Variants in NET1 observed in about 807,000 individuals in gnomAD.
NET1 encodes the protein neuroepithelial cell transforming 1.
In NET1, 42 loss-of-function variants were observed where a neutral mutation model predicts 61.1. The observed-to-expected ratio is 0.69, with a 90% CI of 0.54 to 0.89. The LOEUF is 0.89. Ranked by LOEUF, NET1 falls within the 40% of genes least tolerant of loss-of-function variation. The probability of loss-of-function intolerance (pLI) is 0.00; values close to 1 mark genes in which losing one functional copy is unlikely to be tolerated. For synonymous variants in NET1, 254 were observed against 281.8 expected, an observed-to-expected ratio of 0.90 and a Z score of 0.99; for missense variants, 654 against 747.3, an observed-to-expected ratio of 0.88 and a Z score of 1.46.
In NET1 at chr10:5,453,920, T is replaced by G. The variant is rs981320332; in HGVS notation, c.769-345T>G. Among the ~76,000 whole-genome samples, 1 of 152,070 alleles carries G rather than the reference T, an allele frequency of 6.6e-6. No homozygotes were observed. Among genetic ancestry groups the G allele is most frequent in the African/African-American group, 2.4e-5 (1 of 41,404 alleles). On this transcript the variant is annotated intron_variant, in intron 8 of 11. Coordinates refer to ENST00000355029, the MANE Select transcript of NET1 (RefSeq NM_001047160.3). The surrounding 1 kb of genome is among the most constrained non-coding windows in gnomAD (Gnocchi z 4.9). ...CAGTGATGAAAGGCAGTCTCTGCCT[T>G]TATAGCCTAGTGAAGGAATAGCCAA...
At chr10:5,433,879 T>C (rs1304521998) in intron 3 of NET1, among the ~76,000 whole-genome samples, 3 of 151,800 alleles carry the variant, frequency 2.0e-5, no homozygotes, top group Admixed American at 1.3e-4. Flanking sequence ...TCCTCCTTTT[T>C]TCCCTAATGC....
chr10:5,417,148 A>ATGGCCTGCCAGC lies in NET1; in HGVS notation c.128+4341_128+4352dup, dbSNP rs148517367. Among the ~76,000 whole-genome samples, 6,026 of 151,782 alleles carry ATGGCCTGCCAGC rather than the reference A, an allele frequency of 0.04. 163 individuals are homozygous for ATGGCCTGCCAGC. The highest frequency in any genetic ancestry group is 0.1 in the South Asian group (498 of 4,784). ...AAGCTCTGCGTCATTCTGCGAATCG[A>ATGGCCTGCCAGC]TGGCCTGCCAGCTGGCCTGCCAGCG... On this transcript the variant is annotated intron_variant, in intron 1 of 11. Transcript: ENST00000355029. This position sits in a 1 kb window ranked among gnomAD's most constrained non-coding sequence, Gnocchi z 5.5.
chr10:5,452,014 T>A lies in NET1; in HGVS notation c.363+77T>A. The A allele has an allele frequency of 9.3e-7, 1 of 1,071,820 alleles. No homozygotes were observed. 66.4% of individuals were successfully genotyped at this position (1,071,820 alleles called of 1,614,324 possible). ...GGAATTTGTAGTTGTCTTTGAGCTG[T>A]ACAAACAAGTTTGCATTATTATATT... On this transcript the variant is annotated intron_variant, in intron 4 of 11. Coordinates refer to ENST00000355029, the MANE Select transcript of NET1 (RefSeq NM_001047160.3). The surrounding 1 kb of genome is among the most constrained non-coding windows in gnomAD (Gnocchi z 4.0).
Position 5,416,732 on chromosome 10 carries a change from C to T in NET1, c.128+3912C>T, listed in dbSNP as rs1005862924. Among the ~76,000 whole-genome samples the T allele has an allele frequency of 6.6e-6, 1 of 152,042 alleles. No homozygotes were observed. The highest frequency in any genetic ancestry group is 1.5e-5 in the Non-Finnish European group (1 of 68,032). ...GCAGGGCGTGCACTGGAGGTGTGCT[C>T]GCTTCTTCGGTGCCCTGCTGTTCAA... On this transcript the variant is annotated intron_variant, in intron 1 of 11. Coordinates refer to ENST00000355029, the MANE Select transcript of NET1 (RefSeq NM_001047160.3). The surrounding 1 kb of genome is among the most constrained non-coding windows in gnomAD (Gnocchi z 6.1).
Position 5,454,994 on chromosome 10 carries a change from G to T in NET1, c.1073G>T (p.Gly358Val). ...GVLSDINLKK[G>V]ESECQYYIDK... The stretch of plus-strand genomic sequence containing the variant: ...CTCTCTGATATCAACTTGAAGAAAG[G>T]TGAATCCGAGTGCCAGTATTACATC... The change falls in exon 10 of 12, where the codon GGT becomes GTT. Residue 358 changes from glycine (G) to valine (V), a missense_variant. By Grantham distance (109) the Gly-to-Val change is moderately radical (BLOSUM62 -3). Transcript: ENST00000355029. This position sits in a 1 kb window ranked among gnomAD's most constrained non-coding sequence, Gnocchi z 8.1. 1 of 1,614,124 alleles carries T rather than the reference G, an allele frequency of 6.2e-7. No homozygotes were observed. Among genetic ancestry groups the T allele is most frequent in the Non-Finnish European group, 8.5e-7 (1 of 1,179,986 alleles).
In NET1 at chr10:5,426,623, CT is replaced by C; in HGVS notation, c.129-29del. On this transcript the variant is annotated intron_variant, in intron 1 of 11. Transcript: ENST00000355029. This position sits in a 1 kb window ranked among gnomAD's most constrained non-coding sequence, Gnocchi z 4.6. ...TGCTCTATTATGCTAAAGTCAATCT[CT>C]TTATTTATTGTTTGAATTTTCCATT... is the stretch of plus-strand genomic sequence containing the variant. 2 of 1,537,974 alleles carry C rather than the reference CT, an allele frequency of 1.3e-6. No homozygotes were observed. Among genetic ancestry groups the C allele is most frequent in the Non-Finnish European group, 1.8e-6 (2 of 1,118,520 alleles).
chr10:5,436,226 A>ATG (rs1832433609), intron 3 of NET1, among the ~76,000 whole-genome samples: 2 of 6,208 alleles, frequency 3.2e-4, no homozygotes, highest in East Asian at 6.0e-3. Flanking sequence ...GTGTGTGTGC[A>ATG]TATATATATA....
At position 5,452,434 on chromosome 10, in the gene NET1, C is replaced by T. The variant is rs776932264; in HGVS notation, c.440C>T (p.Pro147Leu). Reference protein sequence around the residue: ...KFSSRSTVPTPAKRRSSALWS... With the variant: ...KFSSRSTVPTLAKRRSSALWS... ...TCTAGCAGGTCAACAGTCCCAACAC[C>T]CGCCAAGAGAAGGAGCAGTGCACTG... The change falls in exon 5 of 12, where the codon CCC becomes CTC. Residue 147 changes from proline to leucine, a missense_variant. Physicochemically the swap from Pro to Leu is moderately conservative, Grantham distance 98. Transcript: ENST00000355029. This position sits in a 1 kb window ranked among gnomAD's most constrained non-coding sequence, Gnocchi z 4.0. The T allele has an allele frequency of 1.2e-6, 2 of 1,614,126 alleles. No homozygotes were observed. Among genetic ancestry groups the T allele is most frequent in the Non-Finnish European group, 8.5e-7 (1 of 1,179,996 alleles).
intron 2 of NET1, among the ~76,000 whole-genome samples, 198 bp from the exon 3 acceptor site, chr10:5,428,972 G>A (rs1030370738): frequency 2.0e-5 from 3 of 150,636 alleles, no homozygotes; most frequent in African/African-American, 7.3e-5. Flanking sequence ...GACCTCAGAC[G>A]ATCCGCCCTC....
rs74113035 is a variant in NET1, at chr10:5,436,649, G to T, written c.255+7420G>T. On this transcript the variant is annotated intron_variant, in intron 3 of 11. Transcript: ENST00000355029. ...AATGATAAATAATTTTAAAAGCATT[G>T]TGATTGTTTATAATTATAATAATGT... Among the ~76,000 whole-genome samples the T allele has an allele frequency of 4.2e-3, 635 of 152,152 alleles. 7 individuals carry two copies. Among genetic ancestry groups the T allele is most frequent in the African/African-American group, 0.014 (581 of 41,500 alleles).
At chr10:5,448,548 G>C (rs915236553) in intron 3 of NET1, among the ~76,000 whole-genome samples, 1 of 152,148 alleles carries the variant, frequency 6.6e-6, no homozygotes, top group African/African-American at 2.4e-5. Flanking sequence ...TTATGTTAGA[G>C]AGTGTTGGAC....
chr10:5,425,015 G>C (rs184724988), intron 1 of NET1, among the ~76,000 whole-genome samples: 2 of 152,316 alleles, frequency 1.3e-5, no homozygotes, highest in East Asian at 3.9e-4. Context: ...CATTCTCTCT[G>C]AGTGCAGTAA....
rs1222427139 is a variant in NET1, at chr10:5,427,901, A to G, written c.195+1180A>G. Among the ~76,000 whole-genome samples the G allele has an allele frequency of 6.6e-6, 1 of 152,086 alleles. No individual in the cohort carries two copies. Among genetic ancestry groups the G allele is most frequent in the Non-Finnish European group, 1.5e-5 (1 of 68,012 alleles). The stretch of plus-strand genomic sequence containing the variant: ...TCATTTTAGTGTGAATTTAGTTTTC[A>G]ACTTGTACACAAAATCTTGGTTCAG... On this transcript the variant is annotated intron_variant, in intron 2 of 11. Transcript: ENST00000355029. The surrounding 1 kb of genome is among the most constrained non-coding windows in gnomAD (Gnocchi z 4.1).
intron 1 of NET1, among the ~76,000 whole-genome samples, chr10:5,425,852 G>A (rs1223890417): frequency 6.6e-6 from 1 of 152,062 alleles, no homozygotes; most frequent in Admixed American, 6.6e-5. Context: ...TTCTACATTT[G>A]TTTACATCTG....
At position 5,455,975 on chromosome 10, in the gene NET1, T is replaced by C; in HGVS notation, c.1198-112T>C. The C allele has an allele frequency of 9.2e-7, 1 of 1,082,458 alleles. No homozygotes were observed. The highest frequency in any genetic ancestry group is 2.5e-5 in the East Asian group (1 of 40,108). The allele number at this position is 1,082,458 out of a possible 1,614,324, so 67.1% of individuals were successfully genotyped here. Reference sequence around the variant, plus strand: ...TTACTAGATTTGTCACTTAGAGAGATCTTCGAAAAATAAATCTGATGAAAT... The same window carrying C: ...TTACTAGATTTGTCACTTAGAGAGACCTTCGAAAAATAAATCTGATGAAAT... On this transcript the variant is annotated intron_variant, in intron 10 of 11. Coordinates refer to ENST00000355029, the MANE Select transcript of NET1 (RefSeq NM_001047160.3). This position sits in a 1 kb window ranked among gnomAD's most constrained non-coding sequence, Gnocchi z 6.5.
At chr10:5,442,825 T>TGA (rs1358678784) in intron 3 of NET1, among the ~76,000 whole-genome samples, 2 of 148,522 alleles carry the variant, frequency 1.3e-5, no homozygotes, top group Non-Finnish European at 3.0e-5. Context: ...TGCAGTGAGC[T>TGA]GAGATTGTGC....
At position 5,442,439 on chromosome 10, in the gene NET1, G is replaced by GA. The variant is rs35520481; in HGVS notation, c.256-9390dup. 1.8e-4 allele frequency among the ~76,000 whole-genome samples: 28 copies of GA among 152,030 alleles called. No individual in the cohort carries two copies. The East Asian group carries it at 3.9e-3, about 21-fold the overall frequency. The stretch of plus-strand genomic sequence containing the variant: ...CCAAGCAGTTTTTCACTTGAAAGGG[G>GA]AGAACAAGTAACCTAACACTCCTTT... On this transcript the variant is annotated intron_variant, in intron 3 of 11. Transcript: ENST00000355029.
At position 5,424,349 on chromosome 10, in the gene NET1, G is replaced by A. The variant is rs1458291877; in HGVS notation, c.129-2306G>A. Among the ~76,000 whole-genome samples the A allele has an allele frequency of 6.6e-6, 1 of 152,126 alleles. No individual in the cohort carries two copies. Among genetic ancestry groups the A allele is most frequent in the Non-Finnish European group, 1.5e-5 (1 of 68,010 alleles). ...TACACTAAGAGTATTAATTCCTAGAGCAGTATTTTTAAGTGTGATCTGTGG... is the reference window on the plus strand; with the variant it reads ...TACACTAAGAGTATTAATTCCTAGAACAGTATTTTTAAGTGTGATCTGTGG... On this transcript the variant is annotated intron_variant, in intron 1 of 11. Transcript: ENST00000355029. The surrounding 1 kb of genome is among the most constrained non-coding windows in gnomAD (Gnocchi z 6.1).
At position 5,416,489 on chromosome 10, in the gene NET1, A is replaced by G. The variant is rs1201998039; in HGVS notation, c.128+3669A>G. Among the ~76,000 whole-genome samples, 1 of 152,172 alleles carries G rather than the reference A, an allele frequency of 6.6e-6. No individual in the cohort carries two copies. The highest frequency in any genetic ancestry group is 2.1e-4 in the South Asian group (1 of 4,828). The stretch of plus-strand genomic sequence containing the variant: ...TTAAATCTTGTAGATCATTTTCAGG[A>G]GTATTGCCCTCTACAGAGAGTTAAG... On this transcript the variant is annotated intron_variant, in intron 1 of 11. Transcript: ENST00000355029. The surrounding 1 kb of genome is among the most constrained non-coding windows in gnomAD (Gnocchi z 6.1).
Sources: gnomAD v4.1 joint callset for allele counts (sites outside exome capture counted in the v4.1 genomes callset) on GRCh38, gnomAD v4.1.1 for gene constraint, Gnocchi (gnomAD v3.1) non-coding constraint, MANE v1.5 for transcripts, NCBI Gene and HGNC (gene_info 2026-07-23, HGNC 2026-07-21) for gene names.